Variants in NT5E observed in about 807,000 individuals in gnomAD.
The protein encoded by NT5E is 5'-nucleotidase.
A neutral mutation model predicts 55.1 loss-of-function variants in NT5E; 53 were observed. That is an observed-to-expected ratio of 0.96 (90% CI 0.77 to 1.21). NT5E has a LOEUF of 1.21. Among genes scored for constraint, NT5E ranks in the 50% most tolerant of loss-of-function variants. NT5E has a pLI of 0.00. For missense variants in NT5E, 683 were observed against 724.3 expected (o/e 0.94, Z 0.65); for synonymous variants, 270 against 278.4 (o/e 0.97, Z 0.30).
chr6:85,489,499 C>T lies in NT5E; in HGVS notation c.1110C>T (p.Asn370=). The T allele has an allele frequency of 6.2e-7, 1 of 1,611,050 alleles. No individual in the cohort carries two copies. The highest frequency in any genetic ancestry group is 1.1e-5 in the South Asian group (1 of 90,958). The part of the protein sequence containing the change: ...MGNLICDAMI[N]NNLRHTDEMF... The stretch of plus-strand genomic sequence containing the variant: ...AATCTGTGCTACTGTTGCAGATTAA[C>T]AACAACCTGAGACACACGGATGAAA... The change falls in exon 6 of 9, where the codon AAC becomes AAT. Residue 370 remains asparagine (N), a synonymous_variant. Coordinates refer to ENST00000257770, the MANE Select transcript of NT5E (RefSeq NM_002526.4).
chr6:85,467,503 A>ACAG (rs1437169750), intron 2 of NT5E, among the ~76,000 whole-genome samples: 1 of 152,190 alleles, frequency 6.6e-6, no homozygotes, highest in Non-Finnish European at 1.5e-5. Flanking sequence ...GTTGACAAAA[A>ACAG]CAGTATCTTT....
At chr6:85,492,495 C>G (rs1022588342) in intron 8 of NT5E, among the ~76,000 whole-genome samples, 2 of 152,114 alleles carry the variant, frequency 1.3e-5, no homozygotes, top group African/African-American at 4.8e-5. Context: ...AAATATCACA[C>G]CTCTGGAATT....
At chr6:85,476,682 T>C (rs1769444338) in intron 3 of NT5E, among the ~76,000 whole-genome samples, 1 of 152,126 alleles carries the variant, frequency 6.6e-6, no homozygotes, top group East Asian at 1.9e-4. Flanking sequence ...CTGATGAAAA[T>C]GGCTCTCAGT....
At chr6:85,454,342 A>C (rs1253921846) in intron 1 of NT5E, among the ~76,000 whole-genome samples, 1 of 152,214 alleles carries the variant, frequency 6.6e-6, no homozygotes, top group Non-Finnish European at 1.5e-5. Flanking sequence ...TCTATATTTT[A>C]CCTATATATC....
At chr6:85,460,417 G>A (rs1769073376) in intron 1 of NT5E, among the ~76,000 whole-genome samples, 1 of 152,154 alleles carries the variant, frequency 6.6e-6, no homozygotes, top group Non-Finnish European at 1.5e-5. Flanking sequence ...ATAATAATAA[G>A]CATGGAATCT....
chr6:85,469,167 A>C (rs1769254503), intron 2 of NT5E, among the ~76,000 whole-genome samples: 1 of 152,036 alleles, frequency 6.6e-6, no homozygotes, highest in African/African-American at 2.4e-5. Context: ...CTGAAATACA[A>C]CTCTCCTCAT....
At position 85,493,944 on chromosome 6, in the gene NT5E, T is replaced by C; in HGVS notation, c.1665T>C (p.His555=). ...AGTTTTCCACAGGAAGTCACTGCCATGGAAGCTTTTCTTTAATATTTCTTT... is the reference window on the plus strand; with the variant it reads ...AGTTTTCCACAGGAAGTCACTGCCACGGAAGCTTTTCTTTAATATTTCTTT... ...RIKFSTGSHC[H]GSFSLIFLSL... Residue 555 remains histidine, a synonymous_variant, in exon 9 of 9, where the codon CAT becomes CAC. Coordinates refer to ENST00000257770, the MANE Select transcript of NT5E (RefSeq NM_002526.4). 6.2e-7 allele frequency: 1 copy of C among 1,614,128 alleles called. No homozygotes were observed. The highest frequency in any genetic ancestry group is 8.5e-7 in the Non-Finnish European group (1 of 1,179,974).
At chr6:85,461,985 A>G (rs549194648) in intron 1 of NT5E, among the ~76,000 whole-genome samples, 1 of 152,156 alleles carries the variant, frequency 6.6e-6, no homozygotes, top group African/African-American at 2.4e-5. Flanking sequence ...GAGGATGCAT[A>G]TGGTTCCTGT....
intron 3 of NT5E, among the ~76,000 whole-genome samples, chr6:85,472,617 A>C (rs575975655): frequency 1.3e-5 from 2 of 152,226 alleles, no homozygotes; most frequent in Non-Finnish European, 2.9e-5. Flanking sequence ...CGTTACTGTG[A>C]AAATTATATG....
intron 1 of NT5E, among the ~76,000 whole-genome samples, chr6:85,461,874 C>A (rs185174570): frequency 3.2e-4 from 48 of 152,062 alleles, no homozygotes; most frequent in Non-Finnish European, 5.1e-4. Context: ...TCCTTCTGCC[C>A]CCAATCTCCC....
chr6:85,488,593 T>C (rs936207947), intron 5 of NT5E, among the ~76,000 whole-genome samples: 2 of 152,124 alleles, frequency 1.3e-5, no homozygotes, highest in African/African-American at 2.4e-5. Flanking sequence ...AATTTATTTA[T>C]TTATTGAGAC....
At chr6:85,475,412 C>T (rs1033211983) in intron 3 of NT5E, among the ~76,000 whole-genome samples, 1 of 152,128 alleles carries the variant, frequency 6.6e-6, no homozygotes, top group Non-Finnish European at 1.5e-5. Flanking sequence ...AGTTTCTTTC[C>T]TTTCCAAGTA....
intron 1 of NT5E, among the ~76,000 whole-genome samples, chr6:85,465,823 A>G (rs1016157809): frequency 6.6e-6 from 1 of 152,206 alleles, no homozygotes; most frequent in Admixed American, 6.5e-5. Flanking sequence ...TCCTGCTAAC[A>G]TGCCATTACA....
At chr6:85,455,632 C>G (rs1177285367) in intron 1 of NT5E, among the ~76,000 whole-genome samples, 1 of 152,124 alleles carries the variant, frequency 6.6e-6, no homozygotes, top group African/African-American at 2.4e-5. Context: ...TTAATTGAAG[C>G]CAAGGAGGAA....
intron 4 of NT5E, 104 bp downstream of exon 4, chr6:85,485,536 A>C: frequency 8.9e-7 from 1 of 1,125,494 alleles, no homozygotes; most frequent in South Asian, 1.3e-5. Context: ...AAAGACTATA[A>C]TACTGTTGAA....
chr6:85,482,617 C>T (rs1769571821), intron 3 of NT5E, among the ~76,000 whole-genome samples: 1 of 152,138 alleles, frequency 6.6e-6, no homozygotes. Flanking sequence ...GATGTCAGTC[C>T]ACAACTCCAC....
chr6:85,456,303 A>C (rs922895849), intron 1 of NT5E, among the ~76,000 whole-genome samples: 1 of 152,178 alleles, frequency 6.6e-6, no homozygotes, highest in Non-Finnish European at 1.5e-5. Flanking sequence ...TATGCTTTAT[A>C]ATAAGCCAGT....
intron 4 of NT5E, among the ~76,000 whole-genome samples, chr6:85,486,211 G>A (rs1037163183): frequency 1.3e-5 from 2 of 151,752 alleles, no homozygotes; most frequent in African/African-American, 2.4e-5. Flanking sequence ...TACAGTATGA[G>A]ATAAGAATTT....
chr6:85,485,554 G>A (rs1769635741), intron 4 of NT5E, 122 bp downstream of exon 4: 1 of 1,016,492 alleles, frequency 9.8e-7, no homozygotes, highest in Non-Finnish European at 1.5e-6. Flanking sequence ...GAAGAATTTA[G>A]TTTCTTCCTT....
Sources: gnomAD v4.1 joint callset for allele counts (sites outside exome capture counted in the v4.1 genomes callset) on GRCh38, gnomAD v4.1.1 for gene constraint, MANE v1.5 for transcripts, NCBI Gene and HGNC (gene_info 2026-07-23, HGNC 2026-07-21) for gene names.